TRPC5: variants seen among roughly 807,000 people sequenced by gnomAD.
TRPC5 encodes the protein short transient receptor potential channel 5.
A neutral mutation model predicts 56.5 loss-of-function variants in TRPC5; 9 were observed. The observed-to-expected ratio is 0.16, with a 90% CI of 0.10 to 0.28. The LOEUF (loss-of-function observed/expected upper bound fraction) is 0.28. Ranked by LOEUF, TRPC5 falls within the 10% of genes least tolerant of loss-of-function variation. The pLI is 1.00. For synonymous variants in TRPC5, 282 were observed against 278.5 expected (o/e 1.01, Z -0.13); for missense variants, 469 against 748.9 (o/e 0.63, Z 4.36).
At chrX:111,849,418 T>C in intron 5 of TRPC5, among the ~76,000 whole-genome samples, 1 of 112,692 alleles carries the variant, frequency 8.9e-6, no homozygotes, top group Non-Finnish European at 1.9e-5. Context: ...CTTTGTGGGC[T>C]CTATGGTTCC....
At chrX:111,807,185 C>G (rs1229046824) in intron 7 of TRPC5, among the ~76,000 whole-genome samples, 1 of 111,381 alleles carries the variant, frequency 9.0e-6, no homozygotes, top group Non-Finnish European at 1.9e-5. Flanking sequence ...CTCTACATCC[C>G]CTTTAAGGCC....
intron 5 of TRPC5, among the ~76,000 whole-genome samples, chrX:111,850,923 G>A (rs1389477797): frequency 1.8e-5 from 2 of 112,215 alleles, no homozygotes; most frequent in African/African-American, 6.5e-5. Context: ...TCCCTCCAGT[G>A]TATAAATACC....
At chrX:111,960,804 T>A (rs953087341) in intron 1 of TRPC5, among the ~76,000 whole-genome samples, 2 of 110,802 alleles carry the variant, frequency 1.8e-5, no homozygotes, top group African/African-American at 3.3e-5. Flanking sequence ...TATTTTATTA[T>A]TTAATTAATT....
intron 3 of TRPC5, among the ~76,000 whole-genome samples, chrX:111,857,331 A>G (rs746113468): frequency 9.0e-6 from 1 of 111,431 alleles, no homozygotes; most frequent in Non-Finnish European, 1.9e-5. Context: ...AAATGCAGTG[A>G]GGAGGTAGAA....
chrX:111,905,699 G>A (rs182748356), intron 3 of TRPC5, among the ~76,000 whole-genome samples: 1 of 108,758 alleles, frequency 9.2e-6, no homozygotes, highest in South Asian at 4.0e-4. Context: ...TGGATCACGA[G>A]GTCAGGAGAT....
chrX:111,825,742 A>G (rs1405491900), intron 7 of TRPC5, among the ~76,000 whole-genome samples: 1 of 111,728 alleles, frequency 9.0e-6, no homozygotes, highest in Non-Finnish European at 1.9e-5. Flanking sequence ...AGACTAGTGC[A>G]CTCTGGCTGG....
intron 1 of TRPC5, among the ~76,000 whole-genome samples, chrX:111,966,811 G>A (rs2148645864): frequency 8.9e-6 from 1 of 112,181 alleles, no homozygotes; most frequent in Admixed American, 9.4e-5. Context: ...AATAAATTAG[G>A]TATTGATGGG....
rs765136054 is a variant in TRPC5, at chrX:111,962,542, C to T, written c.-21-10101G>A. The stretch of plus-strand genomic sequence containing the variant: ...GCTGCAATCTCATAAAACTTTAACG[C>T]ATGAAGAGTTGCTTCTTATGGATAA... On this transcript the variant is annotated intron_variant, in intron 1 of 10. Coordinates refer to ENST00000262839, the MANE Select transcript of TRPC5 (RefSeq NM_012471.3). 7.1e-5 allele frequency among the ~76,000 whole-genome samples: 8 copies of T among 112,031 alleles called. No individual in the cohort carries two copies. In the South Asian group the frequency reaches 2.6e-3, roughly 36 times the overall value.
intron 2 of TRPC5, among the ~76,000 whole-genome samples, chrX:111,915,061 TTCTC>T (rs34462597): frequency 0.29 from 31,373 of 106,849 alleles, 6,056 homozygotes; most frequent in African/African-American, 0.71. Context: ...CTCGCTCTCT[TTCTC>T]TCTCTCTCTC....
chrX:111,994,948 C>T (rs1344528940), intron 1 of TRPC5, among the ~76,000 whole-genome samples: 3 of 111,586 alleles, frequency 2.7e-5, no homozygotes, highest in Non-Finnish European at 3.8e-5. Context: ...TAATTGAATA[C>T]CCTTTATTTC....
At chrX:112,065,355 A>C (rs1930558181) in intron 1 of TRPC5, among the ~76,000 whole-genome samples, 1 of 111,779 alleles carries the variant, frequency 8.9e-6, no homozygotes, top group Non-Finnish European at 1.9e-5. Context: ...CCATCTATCC[A>C]GTTTCCCAGG....
At chrX:111,963,575 A>G (rs1927461351) in intron 1 of TRPC5, among the ~76,000 whole-genome samples, 1 of 111,909 alleles carries the variant, frequency 8.9e-6, no homozygotes. Flanking sequence ...GGCACCCCCC[A>G]GTAGGGACAG....
At chrX:112,014,551 C>T (rs1929072887) in intron 1 of TRPC5, among the ~76,000 whole-genome samples, 1 of 112,118 alleles carries the variant, frequency 8.9e-6, no homozygotes. Context: ...CTAATTCCTT[C>T]CCTTGGATGC....
chrX:111,864,239 C>T, intron 3 of TRPC5, among the ~76,000 whole-genome samples: 1 of 111,671 alleles, frequency 9.0e-6, no homozygotes, highest in Non-Finnish European at 1.9e-5. Flanking sequence ...CCGCAGGCCT[C>T]CACCTCCCAA....
chrX:111,904,396 A>ATGAT (rs1204178084), intron 3 of TRPC5, among the ~76,000 whole-genome samples: 1 of 111,898 alleles, frequency 8.9e-6, no homozygotes, highest in African/African-American at 3.2e-5. Flanking sequence ...ATGCCCATCA[A>ATGAT]TGATAGACTG....
intron 2 of TRPC5, among the ~76,000 whole-genome samples, chrX:111,919,566 G>C (rs930640060): frequency 1.5e-4 from 17 of 112,128 alleles, no homozygotes; most frequent in African/African-American, 5.5e-4. Context: ...AGAATATCTT[G>C]CTTGGCTTTG....
At chrX:112,011,713 G>A (rs1928997598) in intron 1 of TRPC5, among the ~76,000 whole-genome samples, 3 of 111,140 alleles carry the variant, frequency 2.7e-5, no homozygotes, top group African/African-American at 9.8e-5. Context: ...TATCAAAATA[G>A]TGGTGAGTCC....
chrX:111,790,158 C>A (rs986329363), intron 7 of TRPC5, among the ~76,000 whole-genome samples: 3 of 111,485 alleles, frequency 2.7e-5, no homozygotes, highest in African/African-American at 9.8e-5. Context: ...TGGAACCAAC[C>A]CAAATGTCCA....
At chrX:111,791,019 CAAAAAAAAAAA>C (rs753897017) in intron 7 of TRPC5, among the ~76,000 whole-genome samples, 7 of 9,297 alleles carry the variant, frequency 7.5e-4, no homozygotes, top group Non-Finnish European at 1.3e-3. Flanking sequence ...GACTCCATCT[CAAAAAAAAAAA>C]AAAAAAAAAA....
Sources: gnomAD v4.1 joint callset for allele counts (sites outside exome capture counted in the v4.1 genomes callset) on GRCh38, gnomAD v4.1.1 for gene constraint, MANE v1.5 for transcripts, NCBI Gene and HGNC (gene_info 2026-07-23, HGNC 2026-07-21) for gene names.